The following RGS7 variants were observed in gnomAD, a reference collection of about 807,000 sequenced individuals.
RGS7 encodes regulator of G-protein signaling 7.
Under a neutral mutation model 81.1 loss-of-function variants are expected in RGS7, and 27 were observed. The observed-to-expected ratio is 0.33, with a 90% CI of 0.25 to 0.46. The LOEUF (loss-of-function observed/expected upper bound fraction) is 0.46. Ranked by LOEUF, RGS7 falls within the 20% of genes least tolerant of loss-of-function variation. RGS7 has a pLI of 1.00. For synonymous variants in RGS7, 208 were observed against 207.7 expected (o/e 1.00, Z -0.01); for missense variants, 396 against 607.4 (o/e 0.65, Z 3.66).
rs116698001 is a variant in RGS7, at chr1:241,173,882, T to C, written c.79-75120A>G. ...GCTGGAGAATTCCAGAGATTTATAG[T>C]AAATCTTCCCCATATTCCCATTCTT... is the stretch of plus-strand genomic sequence containing the variant. On this transcript the variant is annotated intron_variant, in intron 2 of 18. Transcript: ENST00000440928. Among the ~76,000 whole-genome samples, 1,088 of 152,312 alleles carry C rather than the reference T, an allele frequency of 7.1e-3. 19 individuals are homozygous for C. The highest frequency in any genetic ancestry group is 0.025 in the African/African-American group (1,054 of 41,578).
chr1:241,240,848 A>G (rs1248653288), intron 2 of RGS7, among the ~76,000 whole-genome samples: 1 of 151,826 alleles, frequency 6.6e-6, no homozygotes, highest in Non-Finnish European at 1.5e-5. Flanking sequence ...TCCCTGCCCT[A>G]CTCCCTGAGC....
At chr1:241,083,341 T>C (rs993996969) in intron 3 of RGS7, among the ~76,000 whole-genome samples, 2 of 151,062 alleles carry the variant, frequency 1.3e-5, no homozygotes, top group African/African-American at 4.9e-5. Flanking sequence ...GTGGTTGAGA[T>C]TAACATTCTT....
intron 14 of RGS7, among the ~76,000 whole-genome samples, chr1:240,807,162 T>C (rs1302086732): frequency 6.6e-6 from 1 of 152,188 alleles, no homozygotes. Context: ...TAGCAAGTGG[T>C]AAAGTCTAGT....
rs147481027 is a variant in RGS7, at chr1:241,195,431, G to A, written c.79-96669C>T. On this transcript the variant is annotated intron_variant, in intron 2 of 18. Transcript: ENST00000440928. ...GCAGAGGGTGCAGTGAGCCGAGATC[G>A]CGCCATTGCACTCCAGCCTGGGTGA... Among the ~76,000 whole-genome samples the A allele has an allele frequency of 4.8e-3, 723 of 152,120 alleles. 5 individuals are homozygous for A. The highest frequency in any genetic ancestry group is 0.016 in the African/African-American group (667 of 41,504).
chr1:241,222,626 T>A (rs2075077913), intron 2 of RGS7, among the ~76,000 whole-genome samples: 1 of 152,170 alleles, frequency 6.6e-6, no homozygotes, highest in South Asian at 2.1e-4. Context: ...CTTACTACCT[T>A]GCTAAATTCT....
At chr1:240,879,595 T>C (rs1558401808) in intron 6 of RGS7, among the ~76,000 whole-genome samples, 1 of 152,230 alleles carries the variant, frequency 6.6e-6, no homozygotes, top group Non-Finnish European at 1.5e-5. Flanking sequence ...TGAGTTTTCT[T>C]TCATTCCTAC....
intron 3 of RGS7, among the ~76,000 whole-genome samples, chr1:241,020,948 G>A (rs1326118839): frequency 6.6e-6 from 1 of 152,058 alleles, no homozygotes. Flanking sequence ...CAAATAATAT[G>A]GTTCTTATGT....
intron 2 of RGS7, among the ~76,000 whole-genome samples, chr1:241,236,528 A>T (rs1478159796): frequency 1.3e-5 from 2 of 152,208 alleles, no homozygotes; most frequent in Non-Finnish European, 2.9e-5. Flanking sequence ...TTTTTAATAT[A>T]TAAACACATT....
intron 18 of RGS7, among the ~76,000 whole-genome samples, chr1:240,793,701 C>G (rs1393433487): frequency 3.3e-5 from 5 of 149,428 alleles, no homozygotes; most frequent in Non-Finnish European, 7.4e-5. Flanking sequence ...GCTCCACCTT[C>G]CCGGTTCACG....
At chr1:241,307,786 ATGAATGAC>A (rs1468794967) in intron 2 of RGS7, among the ~76,000 whole-genome samples, 5 of 149,564 alleles carry the variant, frequency 3.3e-5, no homozygotes, top group Non-Finnish European at 5.9e-5. Context: ...ATACTTTTGA[ATGAATGAC>A]TGAATGAATG....
At chr1:240,966,614 G>A (rs1682342798) in intron 4 of RGS7, among the ~76,000 whole-genome samples, 1 of 152,124 alleles carries the variant, frequency 6.6e-6, no homozygotes, top group Admixed American at 6.6e-5. Context: ...GCCTGTTTAG[G>A]CTGATTCAGA....
chr1:241,250,092 T>C (rs1444122550), intron 2 of RGS7, among the ~76,000 whole-genome samples: 1 of 152,206 alleles, frequency 6.6e-6, no homozygotes, highest in African/African-American at 2.4e-5. Flanking sequence ...AAATTCATAA[T>C]GAGCTTTTTA....
rs572818391 is a variant in RGS7, at chr1:241,136,383, A to T, written c.79-37621T>A. 1.8e-3 allele frequency among the ~76,000 whole-genome samples: 271 copies of T among 152,268 alleles called. 4 individuals are homozygous for T. Among genetic ancestry groups the T allele is most frequent in the Non-Finnish European group, 5.7e-4 (39 of 68,032 alleles). The stretch of plus-strand genomic sequence containing the variant: ...ATTGGTCTTCACCCTTTCCACAAGG[A>T]ATCACAGTGGAGACTTTCATTGGAT... On this transcript the variant is annotated intron_variant, in intron 2 of 18. Coordinates refer to ENST00000440928, the MANE Select transcript of RGS7 (RefSeq NM_001364886.1).
chr1:241,328,962 T>A (rs73123981), intron 2 of RGS7, among the ~76,000 whole-genome samples: 2,310 of 152,240 alleles, frequency 0.015, 61 homozygotes, highest in African/African-American at 0.051. Flanking sequence ...AAATCAACAA[T>A]AAATGTGAAA....
chr1:241,032,743 T>C (rs536368750), intron 3 of RGS7, among the ~76,000 whole-genome samples: 3 of 152,328 alleles, frequency 2.0e-5, no homozygotes, highest in Admixed American at 6.5e-5. Flanking sequence ...TTTGTAGTTA[T>C]TGTAAATCAG....
chr1:241,101,042 T>C (rs1461105493), intron 2 of RGS7, among the ~76,000 whole-genome samples: 1 of 152,218 alleles, frequency 6.6e-6, no homozygotes, highest in Admixed American at 6.5e-5. Flanking sequence ...CCTGCCCTAG[T>C]GGGTAAGCAA....
intron 3 of RGS7, among the ~76,000 whole-genome samples, chr1:240,996,811 G>A (rs935129164): frequency 1.4e-4 from 22 of 152,250 alleles, no homozygotes; most frequent in Admixed American, 5.2e-4. Flanking sequence ...TGTAATTACC[G>A]ATATGTGATG....
intron 6 of RGS7, among the ~76,000 whole-genome samples, chr1:240,888,455 A>G (rs1432370798): frequency 6.6e-6 from 1 of 152,156 alleles, no homozygotes; most frequent in Non-Finnish European, 1.5e-5. Flanking sequence ...GGATGTATTC[A>G]TTTGTTTCAC....
intron 6 of RGS7, among the ~76,000 whole-genome samples, chr1:240,910,476 G>T (rs1176902976): frequency 3.9e-5 from 6 of 152,106 alleles, no homozygotes; most frequent in Admixed American, 3.9e-4. Context: ...ATTGGTTAAA[G>T]GATAGAAATT....
Sources: gnomAD v4.1 joint callset for allele counts (sites outside exome capture counted in the v4.1 genomes callset) on GRCh38, gnomAD v4.1.1 for gene constraint, MANE v1.5 for transcripts, NCBI Gene and HGNC (gene_info 2026-07-23, HGNC 2026-07-21) for gene names.